Variants in MROH2A observed in about 807,000 individuals in gnomAD.
MROH2A encodes maestro heat-like repeat-containing protein family member 2A.
Under a neutral mutation model 200.4 loss-of-function variants are expected in MROH2A, and 174 were observed. The ratio of observed to expected loss-of-function variants is 0.87; its 90% CI spans 0.77 to 0.98. The LOEUF is 0.98. Ranked by LOEUF, MROH2A falls within the 50% of genes least tolerant of loss-of-function variation. MROH2A has a pLI of 0.00. For synonymous variants in MROH2A, 829 were observed against 840.4 expected, an observed-to-expected ratio of 0.99 and a Z score of 0.23; for missense variants, 2,045 against 2,139.6, an observed-to-expected ratio of 0.96 and a Z score of 0.87.
chr2:233,814,641 G>T lies in MROH2A; in HGVS notation c.2820G>T (p.Arg940Ser). 6.4e-7 allele frequency: 1 copy of T among 1,550,484 alleles called. No individual in the cohort carries two copies. Among genetic ancestry groups the T allele is most frequent in the African/African-American group, 1.4e-5 (1 of 73,176 alleles). The change falls in exon 26 of 42, where the codon AGG becomes AGT. Residue 940 changes from arginine (R) to serine (S), a missense_variant. Transcript: ENST00000389758. ...AGCTGATGGAGAGCCTCCTGCAGAG[G>T]CAGCTGGACCCCAAGGGGCTGCAGG... ...LEQLMESLLQ[R>S]QLDPKGLQEM...
At position 233,829,073 on chromosome 2, in the gene MROH2A, G is replaced by A. The variant is rs753227658; in HGVS notation, c.4446+1G>A. 393 of 1,507,880 alleles carry A rather than the reference G, an allele frequency of 2.6e-4. No individual in the cohort carries two copies. Among genetic ancestry groups the A allele is most frequent in the Non-Finnish European group, 3.4e-4 (381 of 1,123,934 alleles). The allele number at this position is 1,507,880 out of a possible 1,614,324, so 93.4% of individuals were successfully genotyped here. On this transcript the variant is annotated splice_donor_variant, in intron 37 of 41. Coordinates refer to ENST00000389758, the MANE Select transcript of MROH2A (RefSeq NM_001394639.1). LOFTEE classifies it high-confidence loss of function. ...GCAGTGCAGGATCTTCTTCGACAAC[G>A]TGAGTCCGATGAGAGCCTCCCTGAG...
rs752495187 is a variant in MROH2A, at chr2:233,819,966, G to C, written c.3422G>C (p.Arg1141Pro). 1.3e-6 allele frequency: 2 copies of C among 1,546,414 alleles called. No homozygotes were observed. The highest frequency in any genetic ancestry group is 1.7e-6 in the Non-Finnish European group (2 of 1,144,160). Residue 1141 changes from arginine (R) to proline (P), a missense_variant, in exon 31 of 42, where the codon CGC becomes CCC. By Grantham distance (103) the Arg-to-Pro change is moderately radical (BLOSUM62 -2). Around this residue, in one of 3 missense-constraint regions of MROH2A, gnomAD observed 1,201 missense variants for 1,311.3 expected, o/e 0.92. Coordinates refer to ENST00000389758, the MANE Select transcript of MROH2A (RefSeq NM_001394639.1). The part of the protein sequence containing the change: ...LPVVDHPEVR[R>P]LLIDGILLLA... ...GTGGTGGACCACCCAGAGGTGCGGC[G>C]CCTTCTCATTGACGGCATCCTGCTG...
At chr2:233,829,867 A>T in intron 38 of MROH2A, 92 bp downstream of exon 38, 1 of 1,178,884 alleles carries the variant, frequency 8.5e-7, no homozygotes, top group Non-Finnish European at 1.1e-6. Flanking sequence ...GTGAGCTGCA[A>T]GCTTTTCTCT....
intron 11 of MROH2A, among the ~76,000 whole-genome samples, chr2:233,797,382 A>G (rs1459171298): frequency 6.6e-6 from 1 of 152,264 alleles, no homozygotes; most frequent in African/African-American, 2.4e-5. Context: ...TTAAAAGCAA[A>G]GCATGAGAAA....
rs567491575 is a variant in MROH2A at position 233,797,062 on chromosome 2, A to G, written c.1252+749A>G. ...ATATTTTTGGCTTTGCAGGCCATAT[A>G]GTGTCTTTGACAATTACTCAGCTCT... On this transcript the variant is annotated intron_variant, in intron 11 of 41. Coordinates refer to ENST00000389758, the MANE Select transcript of MROH2A (RefSeq NM_001394639.1). Among the ~76,000 whole-genome samples the G allele has an allele frequency of 1.0e-3, 155 of 152,372 alleles. 1 individual carries two copies. The highest frequency in any genetic ancestry group is 3.7e-3 in the African/African-American group (153 of 41,588).
intron 3 of MROH2A, among the ~76,000 whole-genome samples, chr2:233,780,408 T>G (rs1218464690): frequency 6.6e-6 from 1 of 152,208 alleles, no homozygotes; most frequent in Non-Finnish European, 1.5e-5. Context: ...GAATCAGCAT[T>G]TCTAACAAGT....
chr2:233,791,350 A>T (rs1027998309), intron 5 of MROH2A, among the ~76,000 whole-genome samples: 6 of 152,046 alleles, frequency 3.9e-5, no homozygotes, highest in Non-Finnish European at 7.4e-5. Context: ...CTGAGACGGG[A>T]CCTGCTGAGG....
At chr2:233,792,129 G>A (rs1701805131) in intron 5 of MROH2A, among the ~76,000 whole-genome samples, 1 of 152,082 alleles carries the variant, frequency 6.6e-6, no homozygotes, top group Non-Finnish European at 1.5e-5. Flanking sequence ...GCTGGCCTGT[G>A]TCCGGGAGGA....
Position 233,809,283 on chromosome 2 carries a change from C to T in MROH2A, c.2448+5C>T, listed in dbSNP as rs1187883013. 6.5e-7 allele frequency: 1 copy of T among 1,548,210 alleles called. No individual in the cohort carries two copies. The highest frequency in any genetic ancestry group is 8.7e-7 in the Non-Finnish European group (1 of 1,145,128). ...CATTATGTCAGCAGCTGCCAGGTAG[C>T]CCCATCTGCTGCCTGGGGGGATGTC... is the stretch of plus-strand genomic sequence containing the variant. On this transcript the variant is annotated splice_donor_5th_base_variant and intron_variant, in intron 22 of 41. Transcript: ENST00000389758.
intron 35 of MROH2A, among the ~76,000 whole-genome samples, chr2:233,826,082 A>G (rs1576014527): frequency 6.6e-6 from 1 of 151,722 alleles, no homozygotes; most frequent in Admixed American, 6.6e-5. Context: ...GTGCCACCAC[A>G]CCCAGCTAAT....
At chr2:233,826,414 A>G (rs754371763) in intron 35 of MROH2A, among the ~76,000 whole-genome samples, 1 of 152,216 alleles carries the variant, frequency 6.6e-6, no homozygotes, top group Non-Finnish European at 1.5e-5. Context: ...CAGAAATAAG[A>G]TGGCACATCT....
chr2:233,793,549 C>A, intron 6 of MROH2A, 124 bp from the exon 7 acceptor site: 4 of 879,210 alleles, frequency 4.5e-6, no homozygotes, highest in Non-Finnish European at 4.7e-6. Context: ...GTTGGAAGGG[C>A]AGGGTGCAGC....
In MROH2A at chr2:233,822,390, C is replaced by A; in HGVS notation, c.3700C>A (p.Gln1234Lys). Residue 1234 changes from glutamine to lysine, a missense_variant, in exon 33 of 42, where the codon CAG becomes AAG. This residue lies in a region of MROH2A where 1,201 missense variants were observed against 1,311.3 expected (regional missense o/e 0.92). Coordinates refer to ENST00000389758, the MANE Select transcript of MROH2A (RefSeq NM_001394639.1). ...CCTGTGCACCATCCACCTTCTCATT[C>A]AGAAGCTGGATGAGAATGACAAGCT... is the stretch of plus-strand genomic sequence containing the variant. Reference protein sequence around the residue: ...MTLCTIHLLIQKLDENDKLPD... With the variant: ...MTLCTIHLLIKKLDENDKLPD... The A allele has an allele frequency of 6.4e-7, 1 of 1,551,090 alleles. No homozygotes were observed. Among genetic ancestry groups the A allele is most frequent in the South Asian group, 1.2e-5 (1 of 84,054 alleles).
chr2:233,808,327 G>A (rs1014978077), intron 21 of MROH2A, among the ~76,000 whole-genome samples: 2 of 152,186 alleles, frequency 1.3e-5, no homozygotes, highest in Admixed American at 6.5e-5. Context: ...TTGTCCATTG[G>A]CGTGCGGCTG....
chr2:233,806,600 C>T (rs1208679015), intron 19 of MROH2A, among the ~76,000 whole-genome samples: 2 of 152,142 alleles, frequency 1.3e-5, no homozygotes, highest in Non-Finnish European at 2.9e-5. Flanking sequence ...GAATGTTCCA[C>T]TTCTCACTGA....
At chr2:233,823,430 A>T (rs1704087263) in intron 34 of MROH2A, 126 bp from the exon 35 acceptor site, 1 of 1,178,414 alleles carries the variant, frequency 8.5e-7, no homozygotes, top group Non-Finnish European at 1.2e-6. Context: ...CAGAGATGTT[A>T]CGACATCTTT....
At chr2:233,822,745 C>T in intron 33 of MROH2A, 136 bp from the exon 34 acceptor site, 1 of 1,224,862 alleles carries the variant, frequency 8.2e-7, no homozygotes, top group Non-Finnish European at 1.1e-6. Context: ...AGATCCACTC[C>T]CTCCCTGGAC....
chr2:233,804,606 A>G, intron 18 of MROH2A, 59 bp downstream of exon 18: 2 of 1,493,854 alleles, frequency 1.3e-6, no homozygotes, highest in Non-Finnish European at 1.8e-6. Context: ...GAGCAGATGG[A>G]AAGGCATTTG....
chr2:233,789,767 G>A, intron 4 of MROH2A, 85 bp from the exon 5 acceptor site: 4 of 1,489,050 alleles, frequency 2.7e-6, no homozygotes, highest in Admixed American at 2.1e-5. Flanking sequence ...GGAACCAGGA[G>A]GGGTGGAGAG....
Sources: gnomAD v4.1 joint callset for allele counts (sites outside exome capture counted in the v4.1 genomes callset) on GRCh38, gnomAD v4.1.1 for gene constraint, gnomAD v4.1.1 regional missense constraint, MANE v1.5 for transcripts, NCBI Gene and HGNC (gene_info 2026-07-23, HGNC 2026-07-21) for gene names.